The following WWOX variants were observed in gnomAD, a reference collection of about 807,000 sequenced individuals.
WWOX encodes WW domain containing oxidoreductase, also known as WW domain-containing oxidoreductase.
A neutral mutation model predicts 46.2 loss-of-function variants in WWOX; 69 were observed. That is an observed-to-expected ratio of 1.49 (90% CI 1.23 to 1.82). The LOEUF is 1.82. Among genes scored for constraint, WWOX ranks in the 40% most tolerant of loss-of-function variants. The pLI is 0.00. For synonymous variants in WWOX, 359 were observed against 202.6 expected (o/e 1.77, Z -6.56); for missense variants, 919 against 542.6 (o/e 1.69, Z -6.89).
At chr16:79,130,638 T>G (rs569095567) in intron 8 of WWOX, among the ~76,000 whole-genome samples, 1 of 152,268 alleles carries the variant, frequency 6.6e-6, no homozygotes, top group Non-Finnish European at 1.5e-5. Context: ...GCTGATCACT[T>G]AGGAAGCCAA....
intron 7 of WWOX, among the ~76,000 whole-genome samples, chr16:78,425,991 A>T (rs1323543979): frequency 6.6e-6 from 1 of 152,172 alleles, no homozygotes; most frequent in Admixed American, 6.5e-5. Flanking sequence ...GAGACCAGCC[A>T]AGGGTTAGCT....
At chr16:78,441,844 T>A (rs1159685218) in intron 8 of WWOX, among the ~76,000 whole-genome samples, 1 of 152,028 alleles carries the variant, frequency 6.6e-6, no homozygotes, top group Non-Finnish European at 1.5e-5. Context: ...AGATTATGAA[T>A]GTTCAGCATT....
intron 5 of WWOX, among the ~76,000 whole-genome samples, chr16:78,331,103 C>G (rs999508928): frequency 9.9e-5 from 15 of 152,096 alleles, no homozygotes; most frequent in Non-Finnish European, 1.5e-4. Flanking sequence ...TTTTCAAAGT[C>G]TGTTTTTTTA....
intron 8 of WWOX, among the ~76,000 whole-genome samples, chr16:79,197,624 G>T (rs2051266047): frequency 6.6e-6 from 1 of 152,166 alleles, no homozygotes; most frequent in African/African-American, 2.4e-5. Context: ...ACAAACAGGT[G>T]GTTGTGGTGA....
rs188369740 is a variant in WWOX, at chr16:78,516,036, G to A, written c.1056+83284G>A. Among the ~76,000 whole-genome samples the A allele has an allele frequency of 4.3e-3, 650 of 151,720 alleles. 4 individuals are homozygous for A. Among genetic ancestry groups the A allele is most frequent in the Non-Finnish European group, 7.2e-3 (487 of 67,964 alleles). On this transcript the variant is annotated intron_variant, in intron 8 of 8. Coordinates refer to ENST00000566780, the MANE Select transcript of WWOX (RefSeq NM_016373.4). ...CCCCTTCCCTGCTCCCTCTCTTTAA[G>A]GTTTTCTCACAGATTAAGAGAGTAG... is the stretch of plus-strand genomic sequence containing the variant.
intron 6 of WWOX, among the ~76,000 whole-genome samples, chr16:78,407,302 G>C (rs900472638): frequency 1.4e-4 from 22 of 152,288 alleles, no homozygotes; most frequent in Admixed American, 9.8e-4. Flanking sequence ...TTGCAGCTTA[G>C]TTGAGAAATG....
intron 8 of WWOX, among the ~76,000 whole-genome samples, chr16:78,804,688 G>A (rs903044084): frequency 2.0e-5 from 3 of 151,682 alleles, no homozygotes; most frequent in African/African-American, 7.3e-5. Flanking sequence ...TCAAATTTCT[G>A]TTTTTTTTCT....
chr16:78,206,449 G>C (rs976839358), intron 5 of WWOX, among the ~76,000 whole-genome samples: 4 of 152,076 alleles, frequency 2.6e-5, no homozygotes, highest in African/African-American at 9.7e-5. Context: ...TTTAAATGTT[G>C]ACCCCATTTT....
intron 8 of WWOX, among the ~76,000 whole-genome samples, chr16:78,867,009 A>T (rs541655911): frequency 1.3e-5 from 2 of 152,202 alleles, no homozygotes; most frequent in Admixed American, 6.5e-5. Flanking sequence ...AAACGCTCCT[A>T]TTGCAGGCTG....
intron 5 of WWOX, among the ~76,000 whole-genome samples, chr16:78,311,241 C>T (rs758216495): frequency 1.1e-4 from 17 of 152,264 alleles, no homozygotes; most frequent in Admixed American, 7.2e-4. Flanking sequence ...CTATCAGTTG[C>T]ATTCCCTGTA....
chr16:78,929,843 A>G (rs2045579926), intron 8 of WWOX, among the ~76,000 whole-genome samples: 1 of 152,188 alleles, frequency 6.6e-6, no homozygotes, highest in South Asian at 2.1e-4. Flanking sequence ...AGGAAATGCG[A>G]TTGTGCACGG....
At chr16:78,406,556 G>C (rs1236672870) in intron 6 of WWOX, among the ~76,000 whole-genome samples, 2 of 149,872 alleles carry the variant, frequency 1.3e-5, no homozygotes, top group African/African-American at 2.4e-5. Context: ...TCACCATGTT[G>C]GCGAGGATGG....
At chr16:79,049,369 A>G (rs1357739693) in intron 8 of WWOX, among the ~76,000 whole-genome samples, 3 of 152,214 alleles carry the variant, frequency 2.0e-5, no homozygotes, top group African/African-American at 4.8e-5. Context: ...ATTCGGCACA[A>G]TTGAGTAATG....
intron 8 of WWOX, among the ~76,000 whole-genome samples, chr16:78,969,821 A>G (rs541495489): frequency 6.6e-6 from 1 of 152,276 alleles, no homozygotes; most frequent in Non-Finnish European, 1.5e-5. Context: ...CAGAAAGTAG[A>G]GTGGTTGCCA....
chr16:78,674,020 T>A (rs2047528253), intron 8 of WWOX, among the ~76,000 whole-genome samples: 2 of 152,034 alleles, frequency 1.3e-5, no homozygotes, highest in Admixed American at 1.3e-4. Context: ...CCGCTTGAAA[T>A]TTTGCCCCCA....
intron 8 of WWOX, among the ~76,000 whole-genome samples, chr16:78,715,119 A>T (rs1253576237): frequency 6.6e-6 from 1 of 152,140 alleles, no homozygotes; most frequent in African/African-American, 2.4e-5. Context: ...CATCTCTATT[A>T]AGAAAAAAGA....
intron 8 of WWOX, among the ~76,000 whole-genome samples, chr16:78,870,270 G>A (rs912293722): frequency 6.6e-6 from 1 of 152,096 alleles, no homozygotes; most frequent in Non-Finnish European, 1.5e-5. Context: ...CAATGACCCA[G>A]TTTCTTTGAC....
chr16:78,455,173 TG>T (rs2083784808), intron 8 of WWOX, among the ~76,000 whole-genome samples: 2 of 152,276 alleles, frequency 1.3e-5, no homozygotes, highest in South Asian at 4.2e-4. Flanking sequence ...AGAACAGAGA[TG>T]ACGTCTTTAC....
chr16:78,885,620 G>C (rs2044439238), intron 8 of WWOX, among the ~76,000 whole-genome samples: 1 of 152,170 alleles, frequency 6.6e-6, no homozygotes, highest in Non-Finnish European at 1.5e-5. Flanking sequence ...CTCAGTCTCT[G>C]ATTTATTTGA....
Sources: allele counts gnomAD v4.1 joint callset (sites outside exome capture counted in the v4.1 genomes callset), GRCh38; gene constraint gnomAD v4.1.1; transcripts MANE v1.5; gene names NCBI Gene and HGNC (gene_info 2026-07-23, HGNC 2026-07-21).